Variants in LMF1 observed in about 807,000 individuals in gnomAD.
LMF1 encodes transmembrane protein 112.
Under a neutral mutation model 60.6 loss-of-function variants are expected in LMF1, and 68 were observed. The ratio of observed to expected loss-of-function variants is 1.12; its 90% confidence interval spans 0.92 to 1.37. LMF1 has a LOEUF of 1.37. Ranked by LOEUF, LMF1 falls within the 40% of genes most tolerant of loss-of-function variation. The probability of loss-of-function intolerance (pLI) is 0.00; values close to 1 mark genes in which losing one functional copy is unlikely to be tolerated. For synonymous variants in LMF1, 418 were observed against 324.7 expected (o/e 1.29, Z -3.09); for missense variants, 948 against 767.2 (o/e 1.24, Z -2.78).
intron 1 of LMF1, among the ~76,000 whole-genome samples, chr16:959,229 A>C (rs536915922): frequency 1.3e-5 from 2 of 152,382 alleles, no homozygotes; most frequent in African/African-American, 4.8e-5. Flanking sequence ...ACAGAAAAAT[A>C]ATCAGAGATA....
rs574639385 is a variant in LMF1, at chr16:861,026, T to A, written c.1530-6320A>T. ...AACACATCTTGCTGGGTTTTTTTTT[T>A]AATAGGAATTGCATTAAACCTGTCC... On this transcript the variant is annotated intron_variant, in intron 10 of 10. Transcript: ENST00000262301. 7.6e-3 allele frequency among the ~76,000 whole-genome samples: 1,154 copies of A among 152,284 alleles called. 7 individuals carry two copies. Among genetic ancestry groups the A allele is most frequent in the African/African-American group, 0.025 (1,038 of 41,550 alleles).
rs754222774 is a variant in LMF1, at chr16:970,931, C to T, written c.50G>A (p.Arg17Lys). The T allele has an allele frequency of 6.4e-6, 10 of 1,564,690 alleles. No individual in the cohort carries two copies. In the African/African-American group the frequency reaches 1.4e-4, roughly 22 times the overall value. Reference sequence around the variant, plus strand: ...CGGATCCGAGTACCCAGTCTTCCGCCTCCTCAGCGACTCCGCGGGCGCCGC... The same window carrying T: ...CGGATCCGAGTACCCAGTCTTCCGCTTCCTCAGCGACTCCGCGGGCGCCGC... Reference protein sequence around the residue: ...TMAAPAESLRRRKTGYSDPEP... With the variant: ...TMAAPAESLRKRKTGYSDPEP... The change falls in exon 1 of 11, where the codon AGG becomes AAG. Residue 17 changes from arginine (R) to lysine (K), a missense_variant. By Grantham distance (26) the Arg-to-Lys change is conservative. Transcript: ENST00000262301.
At position 970,390 on chromosome 16, in the gene LMF1, A is replaced by G. The variant is rs368046680; in HGVS notation, c.193+398T>C. Among the ~76,000 whole-genome samples, 99 of 152,064 alleles carry G rather than the reference A, an allele frequency of 6.5e-4. 1 individual carries two copies. In the East Asian group the frequency reaches 0.016, roughly 24 times the overall value. ...CCAGGCCGCCCCCCGCCCCGCAGCC[A>G]GGACGCAGACCCCCGACCTGCGCAC... On this transcript the variant is annotated intron_variant, in intron 1 of 10. Coordinates refer to ENST00000262301, the MANE Select transcript of LMF1 (RefSeq NM_022773.4).
At chr16:882,280 C>A (rs2098007162) in intron 5 of LMF1, among the ~76,000 whole-genome samples, 1 of 152,254 alleles carries the variant, frequency 6.6e-6, no homozygotes, top group South Asian at 2.1e-4. Flanking sequence ...TGGCCACTGC[C>A]CCTCCTGAGC....
At chr16:981,368 G>A (rs1280987134), upstream of LMF1, 2 of 319,772 alleles carry the variant, frequency 6.3e-6, no homozygotes, top group Non-Finnish European at 6.8e-6. Flanking sequence ...GTGTGTGTGT[G>A]TGTGTGTGTG....
intron 3 of LMF1, among the ~76,000 whole-genome samples, chr16:913,918 G>A (rs562824564): frequency 2.0e-5 from 3 of 152,352 alleles, no homozygotes; most frequent in African/African-American, 4.8e-5. Flanking sequence ...GGATTCTGAC[G>A]CCTCGGTTTA....
At chr16:954,695 T>A (rs761602146) in intron 1 of LMF1, 29 bp from the exon 2 acceptor site, 2 of 1,555,232 alleles carry the variant, frequency 1.3e-6, no homozygotes, top group Non-Finnish European at 1.7e-6. Context: ...AAAACAAGCA[T>A]GACTAGGAAC....
At chr16:934,288 T>C in intron 2 of LMF1, 34 bp from the exon 3 acceptor site, 1 of 1,598,974 alleles carries the variant, frequency 6.3e-7, no homozygotes, top group Non-Finnish European at 8.5e-7. Flanking sequence ...GTATTAACAC[T>C]TTGGCTTGTT....
At chr16:872,281 G>C (rs944053113) in intron 6 of LMF1, 3 of 152,208 alleles carry the variant, frequency 2.0e-5, no homozygotes, top group Non-Finnish European at 2.9e-5. Flanking sequence ...ATGCATCAAA[G>C]CCCAGCCTTT....
chr16:905,057 C>T (rs1476375241), intron 4 of LMF1: 1 of 124,262 alleles, frequency 8.0e-6, no homozygotes, highest in African/African-American at 3.6e-5. Flanking sequence ...GTGGGGACGC[C>T]TGTCTCTGCT....
intron 4 of LMF1, among the ~76,000 whole-genome samples, chr16:896,449 G>C (rs958260455): frequency 6.6e-6 from 1 of 152,246 alleles, no homozygotes; most frequent in African/African-American, 2.4e-5. Context: ...GACCTGAAGG[G>C]TGAACTGTTT....
intron 1 of LMF1, among the ~76,000 whole-genome samples, chr16:977,383 C>T (rs780896334): frequency 4.6e-5 from 7 of 152,142 alleles, no homozygotes; most frequent in African/African-American, 1.7e-4. Flanking sequence ...CCTGGAGACC[C>T]GTCCGGGGGC....
At chr16:965,494 G>A (rs2072906006) in intron 1 of LMF1, among the ~76,000 whole-genome samples, 1 of 152,224 alleles carries the variant, frequency 6.6e-6, no homozygotes, top group Non-Finnish European at 1.5e-5. Flanking sequence ...AAGGTGGAGA[G>A]CAGGAGGGCA....
intron 4 of LMF1, among the ~76,000 whole-genome samples, chr16:905,808 T>A (rs2070959720): frequency 6.6e-6 from 1 of 152,152 alleles, no homozygotes; most frequent in Admixed American, 6.5e-5. Flanking sequence ...AGGGTCTCAC[T>A]ATGTTGCCCA....
At chr16:957,092 A>G (rs1466467526) in intron 1 of LMF1, among the ~76,000 whole-genome samples, 1 of 152,136 alleles carries the variant, frequency 6.6e-6, no homozygotes, top group Non-Finnish European at 1.5e-5. Flanking sequence ...GGGAGGCTGC[A>G]GTGAGCCGAG....
chr16:854,587 T>C lies in LMF1; in HGVS notation c.1649A>G (p.Glu550Gly). 1 of 1,607,604 alleles carries C rather than the reference T, an allele frequency of 6.2e-7. No individual in the cohort carries two copies. Among genetic ancestry groups the C allele is most frequent in the Non-Finnish European group, 8.5e-7 (1 of 1,178,490 alleles). Reference protein sequence around the residue: ...IGAYFPPLSLEELRPYFRDRG... With the variant: ...IGAYFPPLSLGELRPYFRDRG... Reference sequence around the variant, plus strand: ...GTCCCTGAAGTAGGGCCTCAGCTCCTCCAGGCTGAGCGGAGGGAAGTAGGC... The same window carrying C: ...GTCCCTGAAGTAGGGCCTCAGCTCCCCCAGGCTGAGCGGAGGGAAGTAGGC... Residue 550 changes from glutamate to glycine, a missense_variant, in exon 11 of 11, where the codon GAG becomes GGG. Physicochemically the swap from Glu to Gly is moderately conservative, Grantham distance 98. Transcript: ENST00000262301.
chr16:870,016 T>C lies in LMF1; in HGVS notation c.1283A>G (p.Asn428Ser). 1 of 1,612,772 alleles carries C rather than the reference T, an allele frequency of 6.2e-7. No individual in the cohort carries two copies. The highest frequency in any genetic ancestry group is 8.5e-7 in the Non-Finnish European group (1 of 1,179,806). ...EVILQGTASS[N>S]ASAPDAMWED... ...CCACATGGCATCGGGGGCGCTGGCG[T>C]TGGAGCTGGCTGTGCCCTGCAGGAT... The change falls in exon 9 of 11, where the codon AAC (asparagine) becomes AGC (serine). Residue 428 changes from asparagine (N) to serine (S), a missense_variant. Coordinates refer to ENST00000262301, the MANE Select transcript of LMF1 (RefSeq NM_022773.4).
chr16:908,012 CG>C (rs2071012762), intron 4 of LMF1, among the ~76,000 whole-genome samples: 1 of 152,194 alleles, frequency 6.6e-6, no homozygotes, highest in South Asian at 2.1e-4. Flanking sequence ...GGCTCCTCTG[CG>C]GGGCCGGCTC....
At chr16:934,771 G>C (rs1057343798) in intron 2 of LMF1, among the ~76,000 whole-genome samples, 10 of 152,200 alleles carry the variant, frequency 6.6e-5, no homozygotes, top group African/African-American at 2.4e-4. Flanking sequence ...CAGAGGCGTG[G>C]GCAAGCAGCA....
Sources: gnomAD v4.1 joint callset for allele counts (sites outside exome capture counted in the v4.1 genomes callset) on GRCh38, gnomAD v4.1.1 for gene constraint, MANE v1.5 for transcripts, NCBI Gene and HGNC (gene_info 2026-07-23, HGNC 2026-07-21) for gene names.